Variants in KIF26B observed in about 807,000 individuals in gnomAD.
KIF26B encodes the protein kinesin-like protein KIF26B.
Under a neutral mutation model 151.2 loss-of-function variants are expected in KIF26B, and 63 were observed. That is an observed-to-expected ratio of 0.42 (90% confidence interval 0.34 to 0.51). KIF26B has a LOEUF of 0.51. Among genes scored for constraint, KIF26B ranks in the 20% least tolerant of loss-of-function variants. The pLI is 0.07. For synonymous variants in KIF26B, 1,357 were observed against 1,262.1 expected, an observed-to-expected ratio of 1.08 and a Z score of -1.59; for missense variants, 2,813 against 2,913.6, an observed-to-expected ratio of 0.97 and a Z score of 0.79.
chr1:245,691,677 C>T (rs192034276), intron 12 of KIF26B, among the ~76,000 whole-genome samples: 24 of 152,358 alleles, frequency 1.6e-4, no homozygotes, highest in Non-Finnish European at 2.9e-4. Flanking sequence ...AGAGAGGAGA[C>T]ATCTTTTGTC....
rs575544022 is a variant in KIF26B at position 245,635,078 on chromosome 1, ATTG to A, written c.2099-11040_2099-11038del. On this transcript the variant is annotated intron_variant, in intron 9 of 14. Coordinates refer to ENST00000407071, the MANE Select transcript of KIF26B (RefSeq NM_018012.4). ...TTTTTTGGCAATGTTCATGAGGGAT[ATTG>A]TTCTGCAGGTTTTTGTGTTTTTTTT... Among the ~76,000 whole-genome samples, 331 of 137,276 alleles carry A rather than the reference ATTG, an allele frequency of 2.4e-3. 2 individuals are homozygous for A. Among genetic ancestry groups the A allele is most frequent in the African/African-American group, 8.3e-3 (314 of 37,630 alleles). The allele number at this position is 137,276 out of a possible 152,430, so 90.1% of individuals were successfully genotyped here.
At position 245,245,295 on chromosome 1, in the gene KIF26B, C is replaced by T. The variant is rs148896944; in HGVS notation, c.465+88612C>T. Among the ~76,000 whole-genome samples, 21 of 152,192 alleles carry T rather than the reference C, an allele frequency of 1.4e-4. No individual in the cohort carries two copies. The East Asian group carries it at 4.1e-3, about 29-fold the overall frequency. ...CAGGTGGTCTACTGATGATCAAAGC[C>T]CTCGATGGTGCAGACTGCTGTCACC... is the stretch of plus-strand genomic sequence containing the variant. On this transcript the variant is annotated intron_variant, in intron 2 of 14. Transcript: ENST00000407071.
chr1:245,554,745 T>A (rs1364432871), intron 5 of KIF26B, among the ~76,000 whole-genome samples: 1 of 152,188 alleles, frequency 6.6e-6, no homozygotes, highest in Non-Finnish European at 1.5e-5. Flanking sequence ...CAGCTGACGG[T>A]ATAGCAGCCA....
chr1:245,461,782 C>T (rs147910238), intron 4 of KIF26B, among the ~76,000 whole-genome samples: 1 of 152,200 alleles, frequency 6.6e-6, no homozygotes, highest in Admixed American at 6.5e-5. Flanking sequence ...TTTTAATTGC[C>T]GACAGAATGC....
At chr1:245,492,334 G>A (rs1373166814) in intron 4 of KIF26B, among the ~76,000 whole-genome samples, 2 of 152,188 alleles carry the variant, frequency 1.3e-5, no homozygotes, top group Non-Finnish European at 2.9e-5. Context: ...CGTTCTTTTT[G>A]TTGAAGATGA....
chr1:245,354,514 C>T (rs974010830), intron 2 of KIF26B, among the ~76,000 whole-genome samples: 4 of 152,192 alleles, frequency 2.6e-5, no homozygotes, highest in East Asian at 1.9e-4. Flanking sequence ...CTGTCAGCGG[C>T]GCCTCTGTCA....
At chr1:245,174,362 G>C (rs1668766568) in intron 2 of KIF26B, among the ~76,000 whole-genome samples, 1 of 152,006 alleles carries the variant, frequency 6.6e-6, no homozygotes, top group Non-Finnish European at 1.5e-5. Flanking sequence ...GCCAGATGTG[G>C]CGTGGTGTCT....
chr1:245,390,942 A>AAAAAAAAC (rs1673678434), intron 3 of KIF26B, among the ~76,000 whole-genome samples: 1 of 145,268 alleles, frequency 6.9e-6, no homozygotes, highest in African/African-American at 2.6e-5. Context: ...AAAAAAAAAA[A>AAAAAAAAC]AAAAAAAAAA....
intron 2 of KIF26B, among the ~76,000 whole-genome samples, chr1:245,276,171 G>C (rs373093269): frequency 1.7e-4 from 26 of 152,004 alleles, no homozygotes; most frequent in African/African-American, 6.0e-4. Context: ...GGAAAACCTC[G>C]ACTCTATTAA....
chr1:245,480,671 T>C (rs1239579764), intron 4 of KIF26B, among the ~76,000 whole-genome samples: 3 of 151,632 alleles, frequency 2.0e-5, no homozygotes, highest in Admixed American at 2.0e-4. Flanking sequence ...CACACTCTGC[T>C]GTCTGTACCT....
chr1:245,438,369 C>G (rs906972216), intron 4 of KIF26B, among the ~76,000 whole-genome samples: 1 of 152,220 alleles, frequency 6.6e-6, no homozygotes, highest in South Asian at 2.1e-4. Flanking sequence ...ATATATTTTA[C>G]TTCTTCATCT....
intron 14 of KIF26B, among the ~76,000 whole-genome samples, chr1:245,701,620 C>A (rs549832618): frequency 2.6e-5 from 4 of 152,094 alleles, no homozygotes; most frequent in African/African-American, 9.7e-5. Flanking sequence ...AAATCAAGTT[C>A]GTGTTCATTA....
At position 245,167,528 on chromosome 1, in the gene KIF26B, G is replaced by A. The variant is rs1056134036; in HGVS notation, c.465+10845G>A. Among the ~76,000 whole-genome samples, 1 of 152,146 alleles carries A rather than the reference G, an allele frequency of 6.6e-6. No homozygotes were observed. The highest frequency in any genetic ancestry group is 1.5e-5 in the Non-Finnish European group (1 of 68,028). On this transcript the variant is annotated intron_variant, in intron 2 of 14. Transcript: ENST00000407071. This position sits in a 1 kb window ranked among gnomAD's most constrained non-coding sequence, Gnocchi z 4.2. ...CTAACTGGTGGCTTCACACAAGAAT[G>A]GGAGACTCACCTATTAACTGATTAG...
rs186264824 is a variant in KIF26B at position 245,649,478 on chromosome 1, A to G, written c.2258+3198A>G. On this transcript the variant is annotated intron_variant, in intron 10 of 14. Coordinates refer to ENST00000407071, the MANE Select transcript of KIF26B (RefSeq NM_018012.4). ...CCCGATTTCTTTGATCAATTCCGTC[A>G]GTGCTCTGAAGCCACATTATGCAGC... 5.4e-4 allele frequency among the ~76,000 whole-genome samples: 83 copies of G among 152,338 alleles called. 4 individuals carry two copies. The highest frequency in any genetic ancestry group is 2.3e-3 in the South Asian group (11 of 4,828).
intron 10 of KIF26B, among the ~76,000 whole-genome samples, chr1:245,646,720 G>A (rs1208916029): frequency 6.6e-6 from 1 of 151,046 alleles, no homozygotes; most frequent in Non-Finnish European, 1.5e-5. Context: ...AACAAATAAG[G>A]TTGTATTATA....
intron 5 of KIF26B, among the ~76,000 whole-genome samples, chr1:245,550,743 A>C (rs1488075972): frequency 6.6e-6 from 1 of 152,202 alleles, no homozygotes; most frequent in Non-Finnish European, 1.5e-5. Context: ...GTGTGGAACC[A>C]ATTTGTAAAC....
At chr1:245,155,528 C>G in intron 1 of KIF26B, 41 bp downstream of exon 1, 1 of 1,544,020 alleles carries the variant, frequency 6.5e-7, no homozygotes, top group East Asian at 2.3e-5. Flanking sequence ...GTTACCAGAC[C>G]CATCTCGGCG....
chr1:245,459,922 C>A (rs1289012896), intron 4 of KIF26B, among the ~76,000 whole-genome samples: 2 of 151,834 alleles, frequency 1.3e-5, no homozygotes, highest in African/African-American at 4.8e-5. Context: ...CTGCCTGCAG[C>A]CTAAGATAGA....
At chr1:245,659,626 T>TA (rs1285541855) in intron 10 of KIF26B, among the ~76,000 whole-genome samples, 3 of 152,202 alleles carry the variant, frequency 2.0e-5, no homozygotes, top group African/African-American at 7.2e-5. Flanking sequence ...GCATTAGGGC[T>TA]AATGCAGAGA....
Sources: gnomAD v4.1 joint callset for allele counts (sites outside exome capture counted in the v4.1 genomes callset) on GRCh38, gnomAD v4.1.1 for gene constraint, Gnocchi (gnomAD v3.1) non-coding constraint, MANE v1.5 for transcripts, NCBI Gene and HGNC (gene_info 2026-07-23, HGNC 2026-07-21) for gene names.